CADM2: variants seen among roughly 807,000 people sequenced by gnomAD.
CADM2 encodes immunoglobulin superfamily member 4D.
CADM2 carries 12 observed loss-of-function variants against 49.8 expected under a neutral mutation model. The ratio of observed to expected loss-of-function variants is 0.24; its 90% CI spans 0.15 to 0.39. The LOEUF is 0.39. CADM2 is among the 10% of genes least tolerant of loss of function. CADM2 has a pLI of 1.00. For missense variants in CADM2, 378 were observed against 492.3 expected (o/e 0.77, Z 2.20); for synonymous variants, 214 against 175.4 (o/e 1.22, Z -1.74).
In CADM2 at chr3:85,318,003, A is replaced by G. The variant is rs189506846; in HGVS notation, c.61+358335A>G. On this transcript the variant is annotated intron_variant, in intron 1 of 9. Coordinates refer to ENST00000383699, the MANE Select transcript of CADM2 (RefSeq NM_001167675.2). ...TGGGTTAAGTGGTAGTTTACAGAACATGTTCAAATTTATAAATTGAAAGAC... is the reference window on the plus strand; with the variant it reads ...TGGGTTAAGTGGTAGTTTACAGAACGTGTTCAAATTTATAAATTGAAAGAC... Among the ~76,000 whole-genome samples, 17 of 152,116 alleles carry G rather than the reference A, an allele frequency of 1.1e-4. No individual in the cohort carries two copies. The East Asian group carries it at 3.3e-3, about 29-fold the overall frequency.
At chr3:85,688,907 A>G (rs1396632898) in intron 1 of CADM2, among the ~76,000 whole-genome samples, 1 of 152,066 alleles carries the variant, frequency 6.6e-6, no homozygotes, top group African/African-American at 2.4e-5. Flanking sequence ...CAATCCTACC[A>G]CATGATCCAA....
intron 1 of CADM2, among the ~76,000 whole-genome samples, chr3:85,265,641 T>C (rs1223492310): frequency 6.6e-6 from 1 of 152,058 alleles, no homozygotes; most frequent in Non-Finnish European, 1.5e-5. Flanking sequence ...TCAATACTTT[T>C]GCTTTGGGGA....
intron 1 of CADM2, among the ~76,000 whole-genome samples, chr3:85,419,209 A>C (rs1237936602): frequency 6.6e-6 from 1 of 152,164 alleles, no homozygotes; most frequent in Non-Finnish European, 1.5e-5. Flanking sequence ...TAATCCCAGC[A>C]CTTTGGGAGG....
In CADM2 at chr3:84,959,555, A is replaced by G. The variant is rs13317282; in HGVS notation, c.-53A>G. The G allele has an allele frequency of 2.7e-4, 411 of 1,497,064 alleles. 3 individuals are homozygous for G. In the African/African-American group the frequency reaches 4.5e-3, roughly 16 times the overall value. 92.7% of individuals were successfully genotyped at this position (1,497,064 alleles called of 1,614,324 possible). A position where few individuals can be genotyped will look rare whatever the true frequency, so the allele number is the denominator to read the frequency against. ...AGCCCTGCACTCTCGTGCCCCGCTCACCAGCATCTACTTGCCCCCTCGTTC... is the reference window on the plus strand; with the variant it reads ...AGCCCTGCACTCTCGTGCCCCGCTCGCCAGCATCTACTTGCCCCCTCGTTC... On this transcript the variant is annotated 5_prime_UTR_variant, in exon 1 of 10. Coordinates refer to ENST00000383699, the MANE Select transcript of CADM2 (RefSeq NM_001167675.2).
chr3:85,084,601 T>G (rs2037300810), intron 1 of CADM2, among the ~76,000 whole-genome samples: 1 of 152,162 alleles, frequency 6.6e-6, no homozygotes, highest in African/African-American at 2.4e-5. Flanking sequence ...ACTCTTACAC[T>G]GATTACATGG....
intron 8 of CADM2, among the ~76,000 whole-genome samples, chr3:86,031,416 C>T (rs1734546427): frequency 6.6e-6 from 1 of 151,720 alleles, no homozygotes; most frequent in Admixed American, 6.6e-5. Context: ...TATGTATTTG[C>T]CCTGTTCTTA....
At chr3:85,396,927 G>A (rs750499466) in intron 1 of CADM2, among the ~76,000 whole-genome samples, 53 of 151,896 alleles carry the variant, frequency 3.5e-4, no homozygotes, top group Admixed American at 2.5e-3. Flanking sequence ...CAAAATTAAG[G>A]ACTTTTGTTT....
At chr3:85,150,923 A>AAATAAAAATAAATAATAAT (rs1553688804) in intron 1 of CADM2, among the ~76,000 whole-genome samples, 23 of 146,818 alleles carry the variant, frequency 1.6e-4, no homozygotes, top group African/African-American at 5.5e-4. Flanking sequence ...AAATAAAAAT[A>AAATAAAAATAAATAATAAT]AATAATAATA....
chr3:85,829,792 T>C (rs920054948), intron 3 of CADM2, among the ~76,000 whole-genome samples: 2 of 152,020 alleles, frequency 1.3e-5, no homozygotes, highest in African/African-American at 2.4e-5. Context: ...CTTGACTTAC[T>C]TCACTTAGCG....
intron 2 of CADM2, among the ~76,000 whole-genome samples, chr3:85,730,659 A>G (rs1343356983): frequency 6.6e-6 from 1 of 152,104 alleles, no homozygotes; most frequent in East Asian, 1.9e-4. Flanking sequence ...AAGTAGTCTT[A>G]AAATTTCTTT....
At chr3:85,788,954 G>T (rs538378052) in intron 2 of CADM2, among the ~76,000 whole-genome samples, 1 of 151,840 alleles carries the variant, frequency 6.6e-6, no homozygotes, top group African/African-American at 2.4e-5. Context: ...TTATAATTCA[G>T]TATTATTAGT....
intron 1 of CADM2, among the ~76,000 whole-genome samples, chr3:85,010,110 T>C (rs917722477): frequency 1.3e-5 from 2 of 151,988 alleles, no homozygotes; most frequent in African/African-American, 4.8e-5. Context: ...AAGGAAATAA[T>C]TGAAAGCCTT....
intron 1 of CADM2, among the ~76,000 whole-genome samples, chr3:85,709,351 G>A (rs2107733085): frequency 6.6e-6 from 1 of 152,194 alleles, no homozygotes; most frequent in Non-Finnish European, 1.5e-5. Flanking sequence ...TTCTGTAAAT[G>A]TCAGTGAAAA....
intron 1 of CADM2, among the ~76,000 whole-genome samples, chr3:85,716,395 T>A (rs558582722): frequency 1.7e-4 from 26 of 152,346 alleles, no homozygotes; most frequent in African/African-American, 6.3e-4. Context: ...TTGTAGATTC[T>A]AGATATTAGA....
intron 7 of CADM2, among the ~76,000 whole-genome samples, chr3:85,953,060 C>T (rs181950717): frequency 6.6e-6 from 1 of 150,612 alleles, no homozygotes; most frequent in African/African-American, 2.4e-5. Flanking sequence ...AATTTCTTTG[C>T]TTTTGTTCAT....
chr3:85,860,946 G>A (rs1387982188), intron 3 of CADM2, among the ~76,000 whole-genome samples: 1 of 152,140 alleles, frequency 6.6e-6, no homozygotes, highest in Non-Finnish European at 1.5e-5. Flanking sequence ...CAGCATCAAG[G>A]CCAATGTGTC....
chr3:85,044,657 C>T (rs2035578016), intron 1 of CADM2, among the ~76,000 whole-genome samples: 1 of 152,038 alleles, frequency 6.6e-6, no homozygotes, highest in Admixed American at 6.6e-5. Context: ...AATGAATTAC[C>T]AACCAGACAG....
intron 1 of CADM2, among the ~76,000 whole-genome samples, chr3:85,162,405 G>T (rs1198321998): frequency 6.6e-6 from 1 of 152,026 alleles, no homozygotes; most frequent in Non-Finnish European, 1.5e-5. Flanking sequence ...CAACAAGCAT[G>T]TCAAAAAATT....
In CADM2 at chr3:86,013,665, C is replaced by T. The variant is rs951556604; in HGVS notation, c.971-51940C>T. On this transcript the variant is annotated intron_variant, in intron 8 of 9. Coordinates refer to ENST00000383699, the MANE Select transcript of CADM2 (RefSeq NM_001167675.2). The stretch of plus-strand genomic sequence containing the variant: ...AGTGGACATAGCAGGGGAAGAGCAC[C>T]TAACTGTGTTGGTGGGGTTTGTTGA... 29 of 1,602,850 alleles carry T rather than the reference C, an allele frequency of 1.8e-5. No homozygotes were observed. The African/African-American group carries it at 3.6e-4, about 20-fold the overall frequency.
Sources: allele counts gnomAD v4.1 joint callset (sites outside exome capture counted in the v4.1 genomes callset), GRCh38; gene constraint gnomAD v4.1.1; transcripts MANE v1.5; gene names NCBI Gene and HGNC (gene_info 2026-07-23, HGNC 2026-07-21).